PPFIA2: variants seen among roughly 807,000 people sequenced by gnomAD.
The protein encoded by PPFIA2 is PPFI scaffold protein A2, also known as liprin-alpha-2.
PPFIA2 carries 46 observed loss-of-function variants against 175.5 expected under a neutral mutation model. The ratio of observed to expected loss-of-function variants is 0.26; its 90% CI spans 0.21 to 0.34. The LOEUF is 0.34. PPFIA2 is among the 10% of genes least tolerant of loss of function. PPFIA2 has a pLI of 1.00. For synonymous variants in PPFIA2, 568 were observed against 511.4 expected (o/e 1.11, Z -1.49); for missense variants, 1,179 against 1,506.1 (o/e 0.78, Z 3.60).
intron 4 of PPFIA2, among the ~76,000 whole-genome samples, chr12:81,494,350 C>T (rs1489222690): frequency 3.9e-5 from 6 of 152,066 alleles, no homozygotes; most frequent in East Asian, 1.9e-4. Flanking sequence ...AAAATGCTCA[C>T]CATCACTGGC....
intron 4 of PPFIA2, among the ~76,000 whole-genome samples, chr12:81,549,243 T>C (rs905705109): frequency 6.6e-6 from 1 of 152,116 alleles, no homozygotes; most frequent in Non-Finnish European, 1.5e-5. Flanking sequence ...TCTTCTGTGA[T>C]GTTGAGTAAG....
chr12:81,589,578 G>C (rs1015550558), intron 4 of PPFIA2, among the ~76,000 whole-genome samples: 1 of 152,052 alleles, frequency 6.6e-6, no homozygotes, highest in African/African-American at 2.4e-5. Context: ...TGCCCTAATA[G>C]GTAAACAGTA....
chr12:81,586,582 A>C (rs2075333271), intron 4 of PPFIA2, among the ~76,000 whole-genome samples: 1 of 120,126 alleles, frequency 8.3e-6, no homozygotes, highest in South Asian at 2.5e-4. Flanking sequence ...ACAAAGATTC[A>C]ATATGGTAAA....
intron 8 of PPFIA2, among the ~76,000 whole-genome samples, chr12:81,395,160 C>T (rs1375874996): frequency 6.6e-6 from 1 of 151,872 alleles, no homozygotes; most frequent in East Asian, 1.9e-4. Context: ...ATTGGAAAAT[C>T]AATAGCATCT....
chr12:81,606,616 C>T (rs939874003), intron 4 of PPFIA2, among the ~76,000 whole-genome samples: 2 of 151,940 alleles, frequency 1.3e-5, no homozygotes, highest in Admixed American at 1.3e-4. Flanking sequence ...GAATGTCTTC[C>T]TTTGAAAAGT....
chr12:81,706,038 A>G (rs1304065657), intron 3 of PPFIA2, among the ~76,000 whole-genome samples: 1 of 152,212 alleles, frequency 6.6e-6, no homozygotes, highest in Non-Finnish European at 1.5e-5. Flanking sequence ...CTTATTTCAA[A>G]ATGGGACTTT....
intron 6 of PPFIA2, among the ~76,000 whole-genome samples, chr12:81,440,712 T>G (rs1183345435): frequency 6.6e-6 from 1 of 151,744 alleles, no homozygotes; most frequent in African/African-American, 2.4e-5. Context: ...AATTTATGCT[T>G]GTTTCTTACA....
intron 7 of PPFIA2, among the ~76,000 whole-genome samples, chr12:81,426,867 T>C (rs1311685238): frequency 2.6e-5 from 4 of 152,110 alleles, no homozygotes; most frequent in Non-Finnish European, 5.9e-5. Context: ...GCCACTGCAA[T>C]GTTCTCATGC....
chr12:81,564,191 T>C (rs1018308831), intron 4 of PPFIA2, among the ~76,000 whole-genome samples: 1 of 152,196 alleles, frequency 6.6e-6, no homozygotes, highest in African/African-American at 2.4e-5. Context: ...TTCATCTTCA[T>C]TGAACATTCA....
chr12:81,537,438 C>CA (rs1234967580), intron 4 of PPFIA2, among the ~76,000 whole-genome samples: 2 of 151,636 alleles, frequency 1.3e-5, no homozygotes, highest in Non-Finnish European at 3.0e-5. Flanking sequence ...CAAAGGCATC[C>CA]AAAAAATACA....
intron 3 of PPFIA2, among the ~76,000 whole-genome samples, chr12:81,732,518 A>AG (rs1322829878): frequency 6.6e-6 from 1 of 150,604 alleles, no homozygotes; most frequent in Non-Finnish European, 1.5e-5. Flanking sequence ...TTTTTTAAAA[A>AG]AAAAAAAAAA....
At chr12:81,308,482 A>G (rs1230578513) in intron 22 of PPFIA2, among the ~76,000 whole-genome samples, 1 of 152,218 alleles carries the variant, frequency 6.6e-6, no homozygotes, top group East Asian at 1.9e-4. Flanking sequence ...CTGTCCACAG[A>G]GTCAGCTCTC....
chr12:81,307,656 C>T (rs1250343143), intron 22 of PPFIA2, among the ~76,000 whole-genome samples: 1 of 152,046 alleles, frequency 6.6e-6, no homozygotes, highest in East Asian at 1.9e-4. Context: ...CATTTGGTAA[C>T]TTGTCCCTTC....
At chr12:81,730,683 A>C (rs1170213869) in intron 3 of PPFIA2, among the ~76,000 whole-genome samples, 1 of 151,656 alleles carries the variant, frequency 6.6e-6, no homozygotes, top group Non-Finnish European at 1.5e-5. Context: ...ACCAGAATTT[A>C]TTCTGTCCTC....
chr12:81,405,815 A>C lies in PPFIA2; in HGVS notation c.734T>G (p.Met245Arg), dbSNP rs373447282. 6.3e-7 allele frequency: 1 copy of C among 1,577,548 alleles called. No homozygotes were observed. Among genetic ancestry groups the C allele is most frequent in the African/African-American group, 1.3e-5 (1 of 74,424 alleles). ...GSTESEHLEG[M>R]EPGQKVHEKR... Reference sequence around the variant, plus strand: ...CTCATGGACTTTCTGTCCAGGTTCCATCCCTTCAAGATGTTCTGACTCTGT... The same window carrying C: ...CTCATGGACTTTCTGTCCAGGTTCCCTCCCTTCAAGATGTTCTGACTCTGT... The change falls in exon 8 of 33, where the codon ATG becomes AGG. Residue 245 changes from methionine to arginine, a missense_variant. Around this residue, in one of 10 missense-constraint regions of PPFIA2, gnomAD observed 226 missense variants for 216.6 expected, o/e 1.04. Coordinates refer to ENST00000549396, the MANE Select transcript of PPFIA2 (RefSeq NM_003625.5).
intron 23 of PPFIA2, among the ~76,000 whole-genome samples, chr12:81,298,845 C>T (rs748120319): frequency 6.6e-6 from 1 of 152,134 alleles, no homozygotes; most frequent in Non-Finnish European, 1.5e-5. Flanking sequence ...CTAGCTGGTC[C>T]ATAGGCTTTA....
intron 22 of PPFIA2, among the ~76,000 whole-genome samples, chr12:81,307,544 A>C (rs757556147): frequency 1.4e-4 from 22 of 152,336 alleles, no homozygotes; most frequent in Non-Finnish European, 2.4e-4. Flanking sequence ...TCTAACATTC[A>C]GAAAGACATT....
chr12:81,633,122 T>C (rs1466951483), intron 4 of PPFIA2, among the ~76,000 whole-genome samples: 1 of 152,152 alleles, frequency 6.6e-6, no homozygotes, highest in African/African-American at 2.4e-5. Context: ...GTGGCATTTG[T>C]GCTCAGGCTT....
intron 3 of PPFIA2, among the ~76,000 whole-genome samples, chr12:81,707,072 A>G (rs1456283481): frequency 1.3e-5 from 2 of 152,198 alleles, no homozygotes; most frequent in Non-Finnish European, 2.9e-5. Flanking sequence ...AAAACCCTAG[A>G]AAAAAACCTA....
Sources: allele counts gnomAD v4.1 joint callset (sites outside exome capture counted in the v4.1 genomes callset), GRCh38; gene constraint gnomAD v4.1.1; regional missense constraint gnomAD v4.1.1; transcripts MANE v1.5; gene names NCBI Gene and HGNC (gene_info 2026-07-23, HGNC 2026-07-21).